MIAT: variants seen among roughly 807,000 people sequenced by gnomAD.
MIAT encodes myocardial infarction associated transcript.
intron 2 of MIAT, among the ~76,000 whole-genome samples, chr22:26,655,441 T>C (rs1319178135): frequency 6.6e-6 from 1 of 152,314 alleles, no homozygotes; most frequent in East Asian, 1.9e-4. Context: ...ATGAAGATGA[T>C]AAACAATATT....
At chr22:26,671,975 T>C, downstream of MIAT, 1 of 398,692 alleles carries the variant, frequency 2.5e-6, no homozygotes. Context: ...CCATGTCACT[T>C]CCCCACATTC....
downstream of MIAT, chr22:26,672,532 T>G: frequency 2.5e-6 from 1 of 399,372 alleles, no homozygotes; most frequent in Middle Eastern, 6.3e-4. Flanking sequence ...GACGTGAGTG[T>G]GGAGGCCTGT....
chr22:26,666,501 G>A (rs1330826703), exon 4 of MIAT: 1 of 398,508 alleles, frequency 2.5e-6, no homozygotes, highest in Non-Finnish European at 4.4e-6. Context: ...AGGGTTCCAG[G>A]GCCACCCAGT....
intron 2 of MIAT, among the ~76,000 whole-genome samples, chr22:26,655,077 C>A (rs963738135): frequency 6.6e-6 from 1 of 152,212 alleles, no homozygotes; most frequent in Non-Finnish European, 1.5e-5. Context: ...GCTGCATACT[C>A]TGGGCAATGC....
At chr22:26,662,105 C>T (rs575823377) in intron 2 of MIAT, among the ~76,000 whole-genome samples, 1 of 151,892 alleles carries the variant, frequency 6.6e-6, no homozygotes, top group African/African-American at 2.4e-5. Flanking sequence ...CACAGGTACA[C>T]ATAACCACGC....
chr22:26,663,482 T>G (rs930946423), intron 3 of MIAT: 12 of 397,540 alleles, frequency 3.0e-5, no homozygotes, highest in Non-Finnish European at 4.4e-5. Flanking sequence ...ACGAAATCCG[T>G]ATGTCCTGAG....
intron 2 of MIAT, among the ~76,000 whole-genome samples, chr22:26,653,898 C>A (rs1473572053): frequency 1.3e-5 from 2 of 152,134 alleles, no homozygotes; most frequent in Non-Finnish European, 2.9e-5. Flanking sequence ...CGCTACCATG[C>A]CTGGCTAATC....
intron 2 of MIAT, among the ~76,000 whole-genome samples, chr22:26,651,762 CATT>C (rs1326066490): frequency 1.3e-5 from 2 of 152,140 alleles, no homozygotes; most frequent in African/African-American, 2.4e-5. Context: ...ACCTCAAAAA[CATT>C]ATGCCGAGTG....
At chr22:26,673,906 A>T (rs1445974182), downstream of MIAT, 2 of 398,614 alleles carry the variant, frequency 5.0e-6, no homozygotes, top group Admixed American at 4.4e-5. Flanking sequence ...GCATATCTTC[A>T]CTCCTCATAG....
intron 2 of MIAT, among the ~76,000 whole-genome samples, chr22:26,654,978 C>T (rs1337370039): frequency 6.6e-6 from 1 of 152,192 alleles, no homozygotes; most frequent in African/African-American, 2.4e-5. Context: ...TCCCAAAGTG[C>T]TGGGATTACA....
intron 2 of MIAT, chr22:26,655,992 T>A (rs1204742085): frequency 2.0e-5 from 3 of 153,146 alleles, no homozygotes; most frequent in African/African-American, 7.3e-5. Flanking sequence ...CCAGCCTGAA[T>A]TGTATTTTTC....
chr22:26,673,379 G>A (rs1602375614), downstream of MIAT: 1 of 399,056 alleles, frequency 2.5e-6, no homozygotes, highest in Non-Finnish European at 4.4e-6. Context: ...CTCTCACCCA[G>A]CTAATCCCTG....
chr22:26,647,153 G>A, intron 1 of MIAT: 1 of 398,552 alleles, frequency 2.5e-6, no homozygotes, highest in East Asian at 3.6e-5. Flanking sequence ...TCTTCTCTGG[G>A]TCTCTGTTCC....
downstream of MIAT, chr22:26,673,825 C>T (rs1931160180): frequency 5.0e-6 from 2 of 398,524 alleles, no homozygotes; most frequent in African/African-American, 4.1e-5. Flanking sequence ...TGGACCAGGC[C>T]TGATGGAGCA....
chr22:26,647,891 G>A (rs1231939954), intron 2 of MIAT, among the ~76,000 whole-genome samples: 1 of 148,200 alleles, frequency 6.7e-6, no homozygotes, highest in East Asian at 1.9e-4. Flanking sequence ...ATTGGGTGTG[G>A]GGGCCGTGGG....
downstream of MIAT, chr22:26,672,035 C>T (rs1367842162): frequency 2.5e-6 from 1 of 399,018 alleles, no homozygotes; most frequent in Non-Finnish European, 4.4e-6. Flanking sequence ...TGTTCGATTA[C>T]TAACCCGTCT....
intron 2 of MIAT, among the ~76,000 whole-genome samples, chr22:26,661,767 C>T (rs1029387422): frequency 6.6e-6 from 1 of 151,520 alleles, no homozygotes; most frequent in Non-Finnish European, 1.5e-5. Context: ...TGAAAGCAAC[C>T]GGCATAAACT....
At chr22:26,668,568 C>T (rs1402054394) in exon 6 of MIAT, 6 of 398,854 alleles carry the variant, frequency 1.5e-5, no homozygotes, top group Non-Finnish European at 2.7e-5. Context: ...GCCAAGTCCC[C>T]ACTGACCACA....
chr22:26,672,382 G>A (rs561865191), downstream of MIAT: 13 of 399,288 alleles, frequency 3.3e-5, no homozygotes, highest in East Asian at 3.2e-4. Context: ...TCTAAGGCAG[G>A]GGATGGCCCT....
Sources: gnomAD v4.1 joint callset for allele counts (sites outside exome capture counted in the v4.1 genomes callset) on GRCh38, gnomAD v4.1.1 for gene constraint, MANE v1.5 for transcripts, NCBI Gene and HGNC (gene_info 2026-07-23, HGNC 2026-07-21) for gene names.